The following VAMP7 variants were observed in gnomAD, a reference collection of about 807,000 sequenced individuals.
The protein encoded by VAMP7 is vesicle associated membrane protein 7, also known as vesicle-associated membrane protein 7.
A neutral mutation model predicts 29.6 loss-of-function variants in VAMP7; 14 were observed. The observed-to-expected ratio is 0.47, with a 90% CI of 0.31 to 0.74. The LOEUF (loss-of-function observed/expected upper bound fraction) is 0.74. VAMP7 is among the 30% of genes least tolerant of loss of function. The probability of loss-of-function intolerance (pLI) is 0.05; values close to 1 mark genes in which losing one functional copy is unlikely to be tolerated. For synonymous variants in VAMP7, 95 were observed against 88.1 expected (o/e 1.08, Z -0.44); for missense variants, 223 against 262.4 (o/e 0.85, Z 1.04).
At chrX:155,904,586 A>G (rs1413187772) in intron 5 of VAMP7, among the ~76,000 whole-genome samples, 1 of 152,020 alleles carries the variant, frequency 6.6e-6, no homozygotes, top group Admixed American at 6.6e-5. Flanking sequence ...ACTCATTTGC[A>G]GTTGCTCCTC....
intron 6 of VAMP7, among the ~76,000 whole-genome samples, chrX:155,921,209 G>C (rs769209250): frequency 1.8e-4 from 27 of 152,288 alleles, no homozygotes; most frequent in African/African-American, 6.5e-4. Flanking sequence ...ACTGAAAACA[G>C]AAGGTACTAA....
At chrX:155,929,926 A>T (rs2066523668) in intron 6 of VAMP7, among the ~76,000 whole-genome samples, 1 of 152,174 alleles carries the variant, frequency 6.6e-6, no homozygotes, top group Admixed American at 6.5e-5. Flanking sequence ...AGAAGGATTT[A>T]TAATACTCTG....
At chrX:155,883,867 C>A (rs1337622355) in intron 1 of VAMP7, among the ~76,000 whole-genome samples, 1 of 151,828 alleles carries the variant, frequency 6.6e-6, no homozygotes, top group African/African-American at 2.4e-5. Context: ...CACACCACCA[C>A]GCCTGACTAA....
At chrX:155,929,005 A>G (rs2066510274) in intron 6 of VAMP7, among the ~76,000 whole-genome samples, 1 of 152,148 alleles carries the variant, frequency 6.6e-6, no homozygotes, top group Non-Finnish European at 1.5e-5. Context: ...GAGTTTGTGG[A>G]TGATAATCCC....
intron 5 of VAMP7, among the ~76,000 whole-genome samples, chrX:155,918,009 A>G (rs986734791): frequency 6.6e-6 from 1 of 152,088 alleles, no homozygotes; most frequent in African/African-American, 2.4e-5. Context: ...CGCTGCCCAG[A>G]GAGGAGGAAT....
intron 6 of VAMP7, among the ~76,000 whole-genome samples, chrX:155,938,574 C>T (rs1302355451): frequency 6.6e-6 from 1 of 152,166 alleles, no homozygotes; most frequent in Non-Finnish European, 1.5e-5. Flanking sequence ...GAACAGTACC[C>T]CAGAAGCTCC....
At chrX:155,908,817 T>C (rs2066191132) in intron 5 of VAMP7, among the ~76,000 whole-genome samples, 1 of 152,012 alleles carries the variant, frequency 6.6e-6, no homozygotes, top group Non-Finnish European at 1.5e-5. Flanking sequence ...TGAGATGGGG[T>C]CTGTCTGTCA....
chrX:155,888,038 A>C (rs1396152411), intron 1 of VAMP7, among the ~76,000 whole-genome samples: 1 of 152,150 alleles, frequency 6.6e-6, no homozygotes, highest in Non-Finnish European at 1.5e-5. Flanking sequence ...TTTGGAAACT[A>C]TAACTTACTG....
intron 5 of VAMP7, among the ~76,000 whole-genome samples, chrX:155,914,823 C>T (rs1260343673): frequency 1.3e-5 from 2 of 151,952 alleles, no homozygotes; most frequent in Non-Finnish European, 2.9e-5. Flanking sequence ...CTGAAATTTT[C>T]CTTTTTGGTT....
At chrX:155,935,497 A>G (rs748743621) in intron 6 of VAMP7, among the ~76,000 whole-genome samples, 2 of 152,158 alleles carry the variant, frequency 1.3e-5, no homozygotes, top group East Asian at 1.9e-4. Flanking sequence ...CGAATCGGCT[A>G]CTGAAGTTTG....
At chrX:155,889,763 G>T in intron 2 of VAMP7, 151 bp downstream of exon 2, 25 of 758,298 alleles carry the variant, frequency 3.3e-5, no homozygotes, top group Non-Finnish European at 4.2e-5. Flanking sequence ...AAATATATCT[G>T]GTTTTGTTAC....
At chrX:155,932,595 G>A (rs767208362) in intron 6 of VAMP7, among the ~76,000 whole-genome samples, 9 of 152,276 alleles carry the variant, frequency 5.9e-5, no homozygotes, top group Admixed American at 5.2e-4. Context: ...ATCAGCTTAA[G>A]GAGATTTTGG....
chrX:155,891,358 G>A (rs942060179), intron 2 of VAMP7, among the ~76,000 whole-genome samples: 2 of 152,098 alleles, frequency 1.3e-5, no homozygotes. Context: ...GAGAGAGGTA[G>A]CTCCAAAGAC....
At chrX:155,929,830 C>T (rs955000630) in intron 6 of VAMP7, among the ~76,000 whole-genome samples, 1 of 152,128 alleles carries the variant, frequency 6.6e-6, no homozygotes, top group Non-Finnish European at 1.5e-5. Flanking sequence ...AACAACTATA[C>T]AGTTTACTCA....
Position 155,889,520 on chromosome X carries a change from T to C in VAMP7, c.54T>C (p.His18=), listed in dbSNP as rs759405195. Reference sequence around the variant, plus strand: ...GGGGGACCACTATCCTTGCCAAACATGCTTGGTGTGGAGGAAACTTCCTGG... The same window carrying C: ...GGGGGACCACTATCCTTGCCAAACACGCTTGGTGTGGAGGAAACTTCCTGG... ...VARGTTILAK[H]AWCGGNFLEV... The change falls in exon 2 of 8, where the codon CAT becomes CAC. Residue 18 remains histidine (H), a synonymous_variant. Coordinates refer to ENST00000286448, the MANE Select transcript of VAMP7 (RefSeq NM_005638.6). 6 of 1,613,812 alleles carry C rather than the reference T, an allele frequency of 3.7e-6. No homozygotes were observed. The East Asian group carries it at 1.3e-4, about 36-fold the overall frequency.
chrX:155,935,472 T>C (rs1019565952), intron 6 of VAMP7, among the ~76,000 whole-genome samples: 10 of 152,194 alleles, frequency 6.6e-5, no homozygotes, highest in Non-Finnish European at 5.9e-5. Context: ...ACGGATACCC[T>C]TTCTTCCAGT....
intron 6 of VAMP7, among the ~76,000 whole-genome samples, chrX:155,933,586 C>T (rs992606751): frequency 6.6e-6 from 1 of 151,958 alleles, no homozygotes; most frequent in East Asian, 1.9e-4. Context: ...CTATTTGATT[C>T]TTCTCTCTTT....
At chrX:155,892,389 C>T (rs1357413198) in intron 2 of VAMP7, among the ~76,000 whole-genome samples, 1 of 152,068 alleles carries the variant, frequency 6.6e-6, no homozygotes, top group Non-Finnish European at 1.5e-5. Flanking sequence ...GGTAAAATTC[C>T]TTAACGGGAC....
intron 6 of VAMP7, among the ~76,000 whole-genome samples, chrX:155,929,658 A>T (rs1483243731): frequency 1.3e-5 from 2 of 152,162 alleles, no homozygotes; most frequent in Non-Finnish European, 2.9e-5. Context: ...GGGGAGGCTT[A>T]TTCCCAGATA....
Sources: gnomAD v4.1 joint callset for allele counts (sites outside exome capture counted in the v4.1 genomes callset) on GRCh38, gnomAD v4.1.1 for gene constraint, MANE v1.5 for transcripts, NCBI Gene and HGNC (gene_info 2026-07-23, HGNC 2026-07-21) for gene names.